KLKB1: variants seen among roughly 807,000 people sequenced by gnomAD.
The protein encoded by KLKB1 is kallikrein B1.
KLKB1 carries 58 observed loss-of-function variants against 73.6 expected under a neutral mutation model. The ratio of observed to expected loss-of-function variants is 0.79; its 90% CI spans 0.64 to 0.98. The LOEUF is 0.98. KLKB1 is among the 50% of genes least tolerant of loss of function. KLKB1 has a pLI of 0.00. For synonymous variants in KLKB1, 280 were observed against 258.1 expected, an observed-to-expected ratio of 1.08 and a Z score of -0.81; for missense variants, 737 against 763.8, an observed-to-expected ratio of 0.96 and a Z score of 0.41.
rs1263088219 is a variant in KLKB1 at position 186,258,008 on chromosome 4, CACTGTG to C, written c.1726-9_1726-4del. 5.0e-6 allele frequency: 8 copies of C among 1,612,860 alleles called. No individual in the cohort carries two copies. Among genetic ancestry groups the C allele is most frequent in the Non-Finnish European group, 6.8e-6 (8 of 1,179,058 alleles). On this transcript the variant is annotated splice_polypyrimidine_tract_variant and splice_region_variant and intron_variant, in intron 14 of 14. Coordinates refer to ENST00000264690, the MANE Select transcript of KLKB1 (RefSeq NM_000892.5). ...GTAACTTTCTACTATTTTATTTTTC[CACTGTG>C]ACTCAGGGAGATTCAGGTGGTCCCT...
chr4:186,237,967 C>T (rs1019785986), intron 5 of KLKB1, among the ~76,000 whole-genome samples: 2 of 151,964 alleles, frequency 1.3e-5, no homozygotes, highest in East Asian at 1.9e-4. Flanking sequence ...TTTCCTGAAG[C>T]GAATTTTGGT....
At chr4:186,248,000 C>T (rs1294739392) in intron 6 of KLKB1, among the ~76,000 whole-genome samples, 1 of 152,206 alleles carries the variant, frequency 6.6e-6, no homozygotes, top group Non-Finnish European at 1.5e-5. Flanking sequence ...GTAATCCCAG[C>T]ACTTTGGGAG....
At chr4:186,220,627 A>G (rs1737014258) in intron 2 of KLKB1, among the ~76,000 whole-genome samples, 1 of 152,292 alleles carries the variant, frequency 6.6e-6, no homozygotes, top group Admixed American at 6.5e-5. Flanking sequence ...GCATTTATTG[A>G]GTTGCATATG....
chr4:186,257,293 A>C lies in KLKB1; in HGVS notation c.1653A>C (p.Arg551Ser), dbSNP rs771558402. Residue 551 changes from arginine to serine, a missense_variant, in exon 14 of 15, where the codon AGA becomes AGC. Coordinates refer to ENST00000264690, the MANE Select transcript of KLKB1 (RefSeq NM_000892.5). ...TAACAAATGAAGAATGCCAGAAAAGATATCAAGATTATAAAATAACCCAAC... is the reference window on the plus strand; with the variant it reads ...TAACAAATGAAGAATGCCAGAAAAGCTATCAAGATTATAAAATAACCCAAC... ...PLVTNEECQK[R>S]YQDYKITQRM... The C allele has an allele frequency of 8.7e-6, 14 of 1,603,526 alleles. No individual in the cohort carries two copies. In the African/African-American group the frequency reaches 1.9e-4, roughly 21 times the overall value.
Position 186,233,991 on chromosome 4 carries a change from G to T in KLKB1, c.261G>T (p.Leu87=). The T allele has an allele frequency of 6.2e-7, 1 of 1,614,026 alleles. No homozygotes were observed. The highest frequency in any genetic ancestry group is 8.5e-7 in the Non-Finnish European group (1 of 1,179,918). Residue 87 remains leucine, a synonymous_variant, in exon 4 of 15, where the codon CTG becomes CTT. Coordinates refer to ENST00000264690, the MANE Select transcript of KLKB1 (RefSeq NM_000892.5). ...TGAAAGATAGTGTTACAGGAACCCT[G>T]CCAAAAGTACATCGAACAGGTGCAG... ...CFLKDSVTGT[L]PKVHRTGAVS...
intron 4 of KLKB1, among the ~76,000 whole-genome samples, chr4:186,234,753 C>T (rs931278819): frequency 1.3e-5 from 2 of 152,180 alleles, no homozygotes; most frequent in African/African-American, 4.8e-5. Context: ...ACATCTGAAG[C>T]TACTGATGTC....
chr4:186,252,287 C>G (rs1392397152), intron 11 of KLKB1, 102 bp downstream of exon 11: 19 of 1,252,848 alleles, frequency 1.5e-5, no homozygotes, highest in Non-Finnish European at 2.1e-5. Flanking sequence ...TGAATAGAGA[C>G]GTGTTAAAGC....
chr4:186,236,782 T>G lies in KLKB1; in HGVS notation c.330T>G (p.Ala110=). Reference sequence around the variant, plus strand: ...GCTCTATGTATTTTTCTTGTACAGCTTGCCATCGAGACATTTATAAAGGAG... The same window carrying G: ...GCTCTATGTATTTTTCTTGTACAGCGTGCCATCGAGACATTTATAAAGGAG... ...SLKQCGHQIS[A]CHRDIYKGVD... Residue 110 remains alanine, a splice_region_variant and synonymous_variant, in exon 5 of 15, where the codon GCT becomes GCG. Coordinates refer to ENST00000264690, the MANE Select transcript of KLKB1 (RefSeq NM_000892.5). 1.2e-6 allele frequency: 2 copies of G among 1,614,006 alleles called. No individual in the cohort carries two copies. Among genetic ancestry groups the G allele is most frequent in the South Asian group, 2.2e-5 (2 of 91,066 alleles).
intron 13 of KLKB1, among the ~76,000 whole-genome samples, chr4:186,256,331 G>T (rs914467593): frequency 6.6e-6 from 1 of 152,168 alleles, no homozygotes; most frequent in South Asian, 2.1e-4. Flanking sequence ...GCTTGACTTT[G>T]CATGAAGCAG....
intron 6 of KLKB1, among the ~76,000 whole-genome samples, chr4:186,248,416 C>G (rs191705634): frequency 9.8e-4 from 149 of 152,252 alleles, no homozygotes; most frequent in African/African-American, 3.5e-3. Context: ...TAAATGGAAT[C>G]ATGCAATGCA....
intron 6 of KLKB1, among the ~76,000 whole-genome samples, chr4:186,244,929 A>T (rs1269739200): frequency 2.6e-5 from 4 of 152,072 alleles, no homozygotes; most frequent in Non-Finnish European, 5.9e-5. Flanking sequence ...GTTGCCAAGG[A>T]GGGAGCAGAG....
In KLKB1 at chr4:186,252,392, G is replaced by A. The variant is rs4253303; in HGVS notation, c.1313+207G>A. Among the ~76,000 whole-genome samples the A allele has an allele frequency of 0.34, 51,817 of 151,674 alleles. 9,225 individuals carry two copies. Among genetic ancestry groups the A allele is most frequent in the Non-Finnish European group, 0.39 (26,264 of 67,874 alleles). ...GTGGTCTCTGTACAGGGCAGATGGC[G>A]CTGAGTGGGTATTCTCCACAGAAAG... On this transcript the variant is annotated intron_variant, in intron 11 of 14. Coordinates refer to ENST00000264690, the MANE Select transcript of KLKB1 (RefSeq NM_000892.5).
intron 12 of KLKB1, among the ~76,000 whole-genome samples, chr4:186,255,261 G>T (rs185719422): frequency 9.5e-4 from 145 of 152,278 alleles, no homozygotes; most frequent in African/African-American, 3.2e-3. Flanking sequence ...AATACCCACT[G>T]TATCCAATAA....
rs1481767658 is a variant in KLKB1 at position 186,257,305 on chromosome 4, T to C, written c.1665T>C (p.Tyr555=). Residue 555 remains tyrosine (Y), a synonymous_variant, in exon 14 of 15, where the codon TAT becomes TAC. Coordinates refer to ENST00000264690, the MANE Select transcript of KLKB1 (RefSeq NM_000892.5). ...AATGCCAGAAAAGATATCAAGATTA[T>C]AAAATAACCCAACGGATGGTCTGTG... ...NEECQKRYQD[Y]KITQRMVCAG... The C allele has an allele frequency of 6.2e-7, 1 of 1,604,766 alleles. No individual in the cohort carries two copies. Among genetic ancestry groups the C allele is most frequent in the Non-Finnish European group, 8.5e-7 (1 of 1,174,112 alleles).
At chr4:186,230,230 G>A (rs1009923919) in intron 2 of KLKB1, among the ~76,000 whole-genome samples, 7 of 152,062 alleles carry the variant, frequency 4.6e-5, no homozygotes, top group Admixed American at 1.3e-4. Context: ...TACAAACACT[G>A]GTTATTTAAT....
At chr4:186,257,396 G>T (rs1739060856) in intron 14 of KLKB1, 31 bp downstream of exon 14, 2 of 1,539,786 alleles carry the variant, frequency 1.3e-6, no homozygotes, top group Non-Finnish European at 1.8e-6. Context: ...AAACACAATA[G>T]GCTGCTTGAG....
At chr4:186,218,252 G>A (rs557932613) in intron 2 of KLKB1, among the ~76,000 whole-genome samples, 2 of 152,264 alleles carry the variant, frequency 1.3e-5, no homozygotes, top group African/African-American at 4.8e-5. Flanking sequence ...TGATTCTTTG[G>A]TAGGGTGTAG....
chr4:186,214,655 A>G (rs1409688538), intron 2 of KLKB1, among the ~76,000 whole-genome samples: 3 of 152,246 alleles, frequency 2.0e-5, no homozygotes, highest in South Asian at 4.1e-4. Context: ...TGGTTCTGCC[A>G]TGATGACTTT....
intron 7 of KLKB1, 155 bp from the exon 8 acceptor site, chr4:186,251,064 A>T: frequency 1.6e-6 from 1 of 621,100 alleles, no homozygotes; most frequent in Non-Finnish European, 2.8e-6. Context: ...TCTGCAATTT[A>T]TTAGAGTCCT....
Sources: gnomAD v4.1 joint callset for allele counts (sites outside exome capture counted in the v4.1 genomes callset) on GRCh38, gnomAD v4.1.1 for gene constraint, MANE v1.5 for transcripts, NCBI Gene and HGNC (gene_info 2026-07-23, HGNC 2026-07-21) for gene names.